The following SPAG16 variants were observed in gnomAD, a reference collection of about 807,000 sequenced individuals.
SPAG16 encodes the protein sperm associated antigen 16.
A neutral mutation model predicts 80.4 loss-of-function variants in SPAG16; 86 were observed. The observed-to-expected ratio is 1.07, with a 90% CI of 0.90 to 1.28. The LOEUF (loss-of-function observed/expected upper bound fraction) is 1.28, where lower values mean the gene tolerates loss of function less well. Among genes scored for constraint, SPAG16 ranks in the 50% most tolerant of loss-of-function variants. The probability of loss-of-function intolerance (pLI) is 0.00; values close to 1 mark genes in which losing one functional copy is unlikely to be tolerated. For missense variants in SPAG16, 870 were observed against 765.3 expected, an observed-to-expected ratio of 1.14 and a Z score of -1.61; for synonymous variants, 294 against 265.9, an observed-to-expected ratio of 1.11 and a Z score of -1.03.
At chr2:214,048,246 G>A (rs2049447683) in intron 13 of SPAG16, among the ~76,000 whole-genome samples, 1 of 152,104 alleles carries the variant, frequency 6.6e-6, no homozygotes, top group Non-Finnish European at 1.5e-5. Context: ...GCACTTCCAT[G>A]TTTATTGCAG....
intron 10 of SPAG16, among the ~76,000 whole-genome samples, chr2:213,712,379 C>T (rs571254680): frequency 1.3e-5 from 2 of 152,142 alleles, no homozygotes; most frequent in African/African-American, 4.8e-5. Context: ...TGACAGTGTA[C>T]AAGAGTGTTA....
intron 11 of SPAG16, among the ~76,000 whole-genome samples, chr2:213,924,306 T>G (rs2078361548): frequency 6.6e-6 from 1 of 152,230 alleles, no homozygotes; most frequent in Non-Finnish European, 1.5e-5. Context: ...CAGGCAGATT[T>G]TCCTACTCCC....
chr2:213,575,968 A>C (rs962483797), intron 10 of SPAG16, among the ~76,000 whole-genome samples: 3 of 152,040 alleles, frequency 2.0e-5, no homozygotes, highest in Admixed American at 6.6e-5. Context: ...TTTGTTTGGA[A>C]ATCCATTTGC....
intron 9 of SPAG16, among the ~76,000 whole-genome samples, chr2:213,428,596 C>G (rs1559123444): frequency 6.6e-6 from 1 of 152,150 alleles, no homozygotes; most frequent in Non-Finnish European, 1.5e-5. Context: ...TTTGCTCCAG[C>G]TGTGGGCATT....
At chr2:214,287,847 AG>A (rs1372508945) in intron 15 of SPAG16, among the ~76,000 whole-genome samples, 2 of 152,248 alleles carry the variant, frequency 1.3e-5, no homozygotes, top group Non-Finnish European at 2.9e-5. Context: ...TTACATATGT[AG>A]AATAGGTAAT....
intron 9 of SPAG16, among the ~76,000 whole-genome samples, chr2:213,400,232 G>T (rs1415783042): frequency 6.6e-6 from 1 of 151,990 alleles, no homozygotes; most frequent in Non-Finnish European, 1.5e-5. Context: ...TTCTTAAGTT[G>T]ATACATAACT....
At chr2:214,042,673 C>A (rs979928887) in intron 13 of SPAG16, among the ~76,000 whole-genome samples, 2 of 152,106 alleles carry the variant, frequency 1.3e-5, no homozygotes, top group African/African-American at 4.8e-5. Context: ...ATGATGTCTT[C>A]ACACTTTCTT....
chr2:213,931,888 A>T (rs576474883), intron 12 of SPAG16, among the ~76,000 whole-genome samples: 3 of 152,074 alleles, frequency 2.0e-5, no homozygotes, highest in Non-Finnish European at 4.4e-5. Context: ...ATAAGTATTG[A>T]CAAATAAAGT....
At chr2:214,091,643 T>G (rs2052218434) in intron 13 of SPAG16, among the ~76,000 whole-genome samples, 1 of 152,204 alleles carries the variant, frequency 6.6e-6, no homozygotes, top group Admixed American at 6.6e-5. Context: ...TTGCTATACA[T>G]TAGTCTATAA....
chr2:214,043,271 A>G (rs1167786267), intron 13 of SPAG16, among the ~76,000 whole-genome samples: 1 of 152,130 alleles, frequency 6.6e-6, no homozygotes, highest in Non-Finnish European at 1.5e-5. Flanking sequence ...GAAGAGCCTG[A>G]TATATCCTGG....
chr2:213,618,655 T>A (rs145419379), intron 10 of SPAG16, among the ~76,000 whole-genome samples: 147 of 152,264 alleles, frequency 9.7e-4, no homozygotes, highest in Admixed American at 3.2e-3. Context: ...CAGAATCGTG[T>A]TTATAGTTTG....
intron 9 of SPAG16, among the ~76,000 whole-genome samples, chr2:213,376,224 C>A (rs2066876292): frequency 6.6e-6 from 1 of 151,800 alleles, no homozygotes; most frequent in Non-Finnish European, 1.5e-5. Context: ...GAAACATTTT[C>A]ATCTTCTAAC....
At chr2:213,913,598 TATGTAC>T (rs1222101909) in intron 11 of SPAG16, among the ~76,000 whole-genome samples, 4 of 8,222 alleles carry the variant, frequency 4.9e-4, no homozygotes, top group African/African-American at 6.4e-4. Context: ...CATATATGTA[TATGTAC>T]ATGTACATAT....
At chr2:213,956,436 AT>A (rs1278403230) in intron 12 of SPAG16, among the ~76,000 whole-genome samples, 8 of 120,082 alleles carry the variant, frequency 6.7e-5, no homozygotes, top group African/African-American at 2.2e-4. Context: ...ACTTTACTCC[AT>A]TTTTTTTCCT....
chr2:214,196,412 C>T (rs13031278), intron 15 of SPAG16, among the ~76,000 whole-genome samples: 45,386 of 151,918 alleles, frequency 0.3, 8,468 homozygotes, highest in Non-Finnish European at 0.41. Context: ...AGAAAAACTA[C>T]CCTAAGATAG....
chr2:213,722,655 G>GT (rs1187075130), intron 10 of SPAG16, among the ~76,000 whole-genome samples: 1 of 152,118 alleles, frequency 6.6e-6, no homozygotes, highest in African/African-American at 2.4e-5. Flanking sequence ...TTATGATGCG[G>GT]TTTAGGACAA....
At chr2:213,642,309 A>T (rs1009090401) in intron 10 of SPAG16, among the ~76,000 whole-genome samples, 2 of 152,190 alleles carry the variant, frequency 1.3e-5, no homozygotes, top group Non-Finnish European at 2.9e-5. Flanking sequence ...TCCACATGCT[A>T]GTTCTGTCCA....
intron 15 of SPAG16, among the ~76,000 whole-genome samples, chr2:214,336,428 T>A (rs758723184): frequency 8.5e-5 from 13 of 152,186 alleles, no homozygotes; most frequent in Non-Finnish European, 1.8e-4. Flanking sequence ...TGAGGAAGAC[T>A]AAGTAACACA....
At position 213,487,097 on chromosome 2, in the gene SPAG16, T is replaced by G. The variant is rs928326018; in HGVS notation, c.943-2866T>G. On this transcript the variant is annotated intron_variant, in intron 9 of 15. Coordinates refer to ENST00000331683, the MANE Select transcript of SPAG16 (RefSeq NM_024532.5). ...CACACTTATATGTGGTGGAGCTGAG[T>G]TGCTAAGGAAAGCCATTATTTTAAC... Among the ~76,000 whole-genome samples the G allele has an allele frequency of 2.6e-5, 4 of 152,188 alleles. No individual in the cohort carries two copies. In the East Asian group the frequency reaches 7.7e-4, roughly 29 times the overall value.
Sources: allele counts gnomAD v4.1 joint callset (sites outside exome capture counted in the v4.1 genomes callset), GRCh38; gene constraint gnomAD v4.1.1; transcripts MANE v1.5; gene names NCBI Gene and HGNC (gene_info 2026-07-23, HGNC 2026-07-21).